Variants in ZNF670 observed in about 807,000 individuals in gnomAD.
ZNF670 encodes zinc finger protein 670.
ZNF670 carries 7 observed loss-of-function variants against 10.9 expected under a neutral mutation model. The ratio of observed to expected loss-of-function variants is 0.64; its 90% CI spans 0.36 to 1.20. The LOEUF is 1.20. Ranked by LOEUF, ZNF670 falls within the 50% of genes most tolerant of loss-of-function variation. The pLI is 0.02. For missense variants in ZNF670, 446 were observed against 458.6 expected, an observed-to-expected ratio of 0.97 and a Z score of 0.25; for synonymous variants, 136 against 152.7, an observed-to-expected ratio of 0.89 and a Z score of 0.81.
chr1:247,078,541 C>T, intron 1 of ZNF670, 53 bp downstream of exon 1: 2 of 1,612,418 alleles, frequency 1.2e-6, no homozygotes, highest in Non-Finnish European at 8.5e-7. Context: ...GCCACAACCG[C>T]TTCCTGGCGG....
chr1:247,078,551 G>GGA, intron 1 of ZNF670, 43 bp downstream of exon 1: 1 of 1,613,056 alleles, frequency 6.2e-7, no homozygotes, highest in Non-Finnish European at 8.5e-7. Context: ...CTTCCTGGCG[G>GGA]TTCCCTTTTC....
At chr1:247,057,002 C>A (rs990280989) in intron 1 of ZNF670, among the ~76,000 whole-genome samples, 5 of 152,146 alleles carry the variant, frequency 3.3e-5, no homozygotes, top group Non-Finnish European at 5.9e-5. Context: ...CGAATGAGAT[C>A]CACATCAAGT....
Position 247,037,912 on chromosome 1 carries a change from A to G in ZNF670, c.707T>C (p.Phe236Ser). The change falls in exon 4 of 4, where the codon TTT (phenylalanine) becomes TCT (serine). Residue 236 changes from phenylalanine (F) to serine (S), a missense_variant. Transcript: ENST00000366503. Reference protein sequence around the residue: ...ACKKCGKSFTFSSSLRQHERS... With the variant: ...ACKKCGKSFTSSSSLRQHERS... ...TTCATGTTGGCGAAGAGAACTGGAA[A>G]AAGTGAATGATTTACCACATTTCTT... 1 of 1,613,926 alleles carries G rather than the reference A, an allele frequency of 6.2e-7. No individual in the cohort carries two copies. The highest frequency in any genetic ancestry group is 8.5e-7 in the Non-Finnish European group (1 of 1,179,960).
chr1:247,038,339 T>C lies in ZNF670; in HGVS notation c.280A>G (p.Lys94Glu), dbSNP rs778586749. 1 of 1,614,186 alleles carries C rather than the reference T, an allele frequency of 6.2e-7. No individual in the cohort carries two copies. The highest frequency in any genetic ancestry group is 1.7e-5 in the Admixed American group (1 of 60,028). Residue 94 changes from lysine to glutamate, a missense_variant, in exon 4 of 4, where the codon AAG becomes GAG. By Grantham distance (56) the Lys-to-Glu change is moderately conservative (BLOSUM62 1). Coordinates refer to ENST00000366503, the MANE Select transcript of ZNF670 (RefSeq NM_033213.5). Reference sequence around the variant, plus strand: ...GGCTTTACTCCAGTAGAAACTTTCTTATTCAGATTCAAATTTGAATCCTGG... The same window carrying C: ...GGCTTTACTCCAGTAGAAACTTTCTCATTCAGATTCAAATTTGAATCCTGG... ...FSQDSNLNLNKKVSTGVKPCE... is the reference protein window; with the variant it reads ...FSQDSNLNLNEKVSTGVKPCE...
rs1224943165 is a variant in ZNF670 at position 247,036,118 on chromosome 1, T to TA, written c.*1330dup. Among the ~76,000 whole-genome samples the TA allele has an allele frequency of 6.6e-6, 1 of 152,094 alleles. No individual in the cohort carries two copies. Among genetic ancestry groups the TA allele is most frequent in the Non-Finnish European group, 1.5e-5 (1 of 68,018 alleles). Reference sequence around the variant, plus strand: ...TATATCTGAAAGCCAGTTAACGTAATAGACTATCAGTAGAATGCCAAAAAC... The same window carrying TA: ...TATATCTGAAAGCCAGTTAACGTAATAAGACTATCAGTAGAATGCCAAAAAC... On this transcript the variant is annotated 3_prime_UTR_variant, in exon 4 of 4. Transcript: ENST00000366503.
chr1:247,049,004 G>C (rs556562331), intron 1 of ZNF670, among the ~76,000 whole-genome samples: 1 of 151,984 alleles, frequency 6.6e-6, no homozygotes, highest in Admixed American at 6.5e-5. Context: ...ATCTCCTCTA[G>C]GTTTTCTAGT....
chr1:247,038,740 CTG>C (rs1375192170), intron 3 of ZNF670, 68 bp downstream of exon 3: 3 of 1,366,730 alleles, frequency 2.2e-6, no homozygotes, highest in African/African-American at 1.5e-5. Context: ...GTTGTTTTGT[CTG>C]TTTTAAAAAC....
intron 1 of ZNF670, among the ~76,000 whole-genome samples, chr1:247,060,009 C>T (rs1235272954): frequency 2.6e-5 from 4 of 152,158 alleles, no homozygotes; most frequent in African/African-American, 7.2e-5. Context: ...AGATATTCCA[C>T]GTCCATGAAT....
At chr1:247,042,523 A>C (rs1670339696) in intron 1 of ZNF670, among the ~76,000 whole-genome samples, 1 of 152,194 alleles carries the variant, frequency 6.6e-6, no homozygotes, top group Admixed American at 6.5e-5. Flanking sequence ...TTTTCTGTTG[A>C]GGGTAGGTGG....
At chr1:247,056,025 T>C (rs145457940) in intron 1 of ZNF670, among the ~76,000 whole-genome samples, 1 of 149,646 alleles carries the variant, frequency 6.7e-6, no homozygotes, top group Admixed American at 6.7e-5. Context: ...ATAAAGCAAA[T>C]ATTAATAGAG....
intron 1 of ZNF670, chr1:247,043,018 A>G: frequency 1.2e-6 from 1 of 829,000 alleles, no homozygotes; most frequent in East Asian, 2.6e-5. Context: ...GAATCCATAC[A>G]AGATTGATAT....
chr1:247,037,710 G>C lies in ZNF670; in HGVS notation c.909C>G (p.His303Gln). Reference protein sequence around the residue: ...SRVLRVHERTHSGEKPYECKQ... With the variant: ...SRVLRVHERTQSGEKPYECKQ... ...TACATTCATAGGGCTTTTCTCCACT[G>C]TGAGTCCTTTCATGGACTCTGAGGA... The change falls in exon 4 of 4, where the codon CAC becomes CAG. Residue 303 changes from histidine (H) to glutamine (Q), a missense_variant. Coordinates refer to ENST00000366503, the MANE Select transcript of ZNF670 (RefSeq NM_033213.5). 5 of 1,613,898 alleles carry C rather than the reference G, an allele frequency of 3.1e-6. No individual in the cohort carries two copies. Among genetic ancestry groups the C allele is most frequent in the Non-Finnish European group, 4.2e-6 (5 of 1,179,960 alleles).
Position 247,046,151 on chromosome 1 carries a change from A to G in ZNF670, c.4-6614T>C, listed in dbSNP as rs893903806. Among the ~76,000 whole-genome samples the G allele has an allele frequency of 2.6e-5, 4 of 152,196 alleles. No individual in the cohort carries two copies. The South Asian group carries it at 8.3e-4, about 32-fold the overall frequency. On this transcript the variant is annotated intron_variant, in intron 1 of 3. Coordinates refer to ENST00000366503, the MANE Select transcript of ZNF670 (RefSeq NM_033213.5). ...AGAGAAGCAGAGCATAAAAGTTTGG[A>G]AAATGTGCAACCTGGCCCTGTGGTA...
chr1:247,044,762 A>C (rs935679019), intron 1 of ZNF670, among the ~76,000 whole-genome samples: 28 of 152,198 alleles, frequency 1.8e-4, no homozygotes, highest in African/African-American at 6.8e-4. Context: ...TTGAGTATAC[A>C]TGGACACAAA....
intron 1 of ZNF670, among the ~76,000 whole-genome samples, chr1:247,045,168 C>A (rs1204076335): frequency 6.6e-6 from 1 of 152,132 alleles, no homozygotes; most frequent in African/African-American, 2.4e-5. Flanking sequence ...ATAGGAAAAA[C>A]CAAACTGAAA....
intron 1 of ZNF670, among the ~76,000 whole-genome samples, chr1:247,062,856 G>A (rs994538921): frequency 6.7e-6 from 1 of 148,584 alleles, no homozygotes; most frequent in Non-Finnish European, 1.5e-5. Context: ...TCCTCCGGAA[G>A]AAGATGACCC....
At chr1:247,076,547 C>T (rs1297847835) in intron 1 of ZNF670, among the ~76,000 whole-genome samples, 1 of 152,142 alleles carries the variant, frequency 6.6e-6, no homozygotes, top group Non-Finnish European at 1.5e-5. Context: ...TGAGCCACCG[C>T]ACCTGGCCTG....
At position 247,035,291 on chromosome 1, in the gene ZNF670, A is replaced by C. The variant is rs765769185; in HGVS notation, c.*2158T>G. Among the ~76,000 whole-genome samples the C allele has an allele frequency of 6.6e-6, 1 of 152,214 alleles. No homozygotes were observed. Among genetic ancestry groups the C allele is most frequent in the African/African-American group, 2.4e-5 (1 of 41,452 alleles). The stretch of plus-strand genomic sequence containing the variant: ...TGAGTGTACAGATAAGATTGAGAGA[A>C]GTTATTAGTTACATACATTCATAGA... On this transcript the variant is annotated 3_prime_UTR_variant, in exon 4 of 4. Transcript: ENST00000366503.
rs1558335063 is a variant in ZNF670 at position 247,038,183 on chromosome 1, A to G, written c.436T>C (p.Cys146Arg). The G allele has an allele frequency of 2.5e-6, 4 of 1,614,156 alleles. No individual in the cohort carries two copies. The highest frequency in any genetic ancestry group is 3.4e-6 in the Non-Finnish European group (4 of 1,180,022). Reference protein sequence around the residue: ...CPEKLYHCKQCGKAFISLTSV... With the variant: ...CPEKLYHCKQRGKAFISLTSV... Reference sequence around the variant, plus strand: ...GTGAGAGAGATAAAGGCTTTCCCACATTGTTTGCAATGATATAACTTCTCT... The same window carrying G: ...GTGAGAGAGATAAAGGCTTTCCCACGTTGTTTGCAATGATATAACTTCTCT... Residue 146 changes from cysteine to arginine, a missense_variant, in exon 4 of 4, where the codon TGT (cysteine) becomes CGT (arginine). By Grantham distance (180) the Cys-to-Arg change is radical. Transcript: ENST00000366503.
Sources: allele counts gnomAD v4.1 joint callset (sites outside exome capture counted in the v4.1 genomes callset), GRCh38; gene constraint gnomAD v4.1.1; transcripts MANE v1.5; gene names NCBI Gene and HGNC (gene_info 2026-07-23, HGNC 2026-07-21).